CACNA1C: variants seen among roughly 807,000 people sequenced by gnomAD.
CACNA1C encodes calcium voltage-gated channel subunit alpha1 C, also known as voltage-dependent L-type calcium channel subunit alpha-1C.
CACNA1C carries 30 observed loss-of-function variants against 229.0 expected under a neutral mutation model. That is an observed-to-expected ratio of 0.13 (90% CI 0.10 to 0.18). The LOEUF (loss-of-function observed/expected upper bound fraction) is 0.18. Among genes scored for constraint, CACNA1C ranks in the 10% least tolerant of loss-of-function variants. CACNA1C has a pLI of 1.00. For missense variants in CACNA1C, 1,658 were observed against 2,845.0 expected, an observed-to-expected ratio of 0.58 and a Z score of 9.49; for synonymous variants, 1,114 against 1,132.5, an observed-to-expected ratio of 0.98 and a Z score of 0.33.
chr12:2,323,704 G>A (rs1326059740), intron 3 of CACNA1C, among the ~76,000 whole-genome samples: 1 of 152,234 alleles, frequency 6.6e-6, no homozygotes, highest in Non-Finnish European at 1.5e-5. Context: ...CATGCTTCCT[G>A]TTCCTGGGTT....
chr12:2,227,246 A>G lies in CACNA1C; in HGVS notation c.477+106816A>G, dbSNP rs75069193. 9.0e-3 allele frequency among the ~76,000 whole-genome samples: 1,364 copies of G among 152,200 alleles called. 24 individuals carry two copies. Among genetic ancestry groups the G allele is most frequent in the African/African-American group, 0.03 (1,250 of 41,544 alleles). On this transcript the variant is annotated intron_variant, in intron 3 of 46. Transcript: ENST00000399655. ...AAATGGTTCTTGCACTTCAGTGTCA[A>G]TTTTCCCCAAGAACATGAGCATTTC...
intron 1 of CACNA1C, among the ~76,000 whole-genome samples, chr12:2,007,299 TTAAAGTG>T: frequency 6.6e-6 from 1 of 152,360 alleles, no homozygotes; most frequent in South Asian, 2.1e-4. Context: ...CTTTCCATCT[TTAAAGTG>T]TAAAGAATAG....
At chr12:2,069,285 G>A (rs952914788) in intron 1 of CACNA1C, among the ~76,000 whole-genome samples, 3 of 152,098 alleles carry the variant, frequency 2.0e-5, no homozygotes, top group African/African-American at 7.2e-5. Context: ...GGCAATCAGG[G>A]TCATCAACTT....
intron 1 of CACNA1C, among the ~76,000 whole-genome samples, chr12:2,057,819 C>T (rs539768276): frequency 9.2e-5 from 14 of 152,176 alleles, no homozygotes; most frequent in East Asian, 1.9e-4. Context: ...CCAGAGGGCC[C>T]GGTGGTGCCC....
At chr12:2,123,849 G>T (rs2088384424) in intron 3 of CACNA1C, among the ~76,000 whole-genome samples, 1 of 152,140 alleles carries the variant, frequency 6.6e-6, no homozygotes, top group Non-Finnish European at 1.5e-5. Context: ...TTATAAAATG[G>T]AAATAACGAT....
intron 3 of CACNA1C, among the ~76,000 whole-genome samples, chr12:2,199,810 A>AG (rs2097531543): frequency 1.3e-5 from 2 of 152,070 alleles, no homozygotes; most frequent in African/African-American, 4.8e-5. Context: ...TTCAGCCGAG[A>AG]GGTGAAGGCT....
rs1028181179 is a variant in CACNA1C, at chr12:2,054,298, C to T, written c.49+687C>T. Among the ~76,000 whole-genome samples, 4 of 152,164 alleles carry T rather than the reference C, an allele frequency of 2.6e-5. No individual in the cohort carries two copies. Among genetic ancestry groups the T allele is most frequent in the Non-Finnish European group, 5.9e-5 (4 of 68,018 alleles). ...ACCCACCTCTCCACTGCTGTTGACC[C>T]CGAGCGCGCCCACGCCGCGTGTGTT... On this transcript the variant is annotated intron_variant, in intron 1 of 46. Transcript: ENST00000399655. This position sits in a 1 kb window ranked among gnomAD's most constrained non-coding sequence, Gnocchi z 5.5.
At chr12:2,295,856 A>G (rs924437728) in intron 3 of CACNA1C, among the ~76,000 whole-genome samples, 3 of 152,046 alleles carry the variant, frequency 2.0e-5, no homozygotes, top group Non-Finnish European at 2.9e-5. Context: ...CACACTCCCA[A>G]CCTCTCAACA....
rs1236401571 is a variant in CACNA1C at position 2,665,884 on chromosome 12, A to G, written c.4526+176A>G. Reference sequence around the variant, plus strand: ...AGCAGGAGGAGGCCCGGCACCTTCAATTAAGTCAAGAATGTATCTACTAGG... The same window carrying G: ...AGCAGGAGGAGGCCCGGCACCTTCAGTTAAGTCAAGAATGTATCTACTAGG... On this transcript the variant is annotated intron_variant, in intron 36 of 46. Transcript: ENST00000399655. The surrounding 1 kb of genome is among the most constrained non-coding windows in gnomAD (Gnocchi z 5.9). Among the ~76,000 whole-genome samples the G allele has an allele frequency of 1.3e-5, 2 of 152,194 alleles. No individual in the cohort carries two copies. Among genetic ancestry groups the G allele is most frequent in the East Asian group, 3.9e-4 (2 of 5,182 alleles).
At chr12:1,983,504 T>A (rs1455563557) in intron 1 of CACNA1C, among the ~76,000 whole-genome samples, 1 of 152,080 alleles carries the variant, frequency 6.6e-6, no homozygotes, top group African/African-American at 2.4e-5. Flanking sequence ...AGTATGCTGT[T>A]TAATTTCCAA....
intron 34 of CACNA1C, among the ~76,000 whole-genome samples, chr12:2,657,827 G>A (rs889105706): frequency 2.6e-5 from 4 of 152,120 alleles, no homozygotes; most frequent in African/African-American, 9.7e-5. Context: ...AATAATAGCA[G>A]TAGCAGAAGA....
rs140476041 is a variant in CACNA1C, at chr12:2,575,639, AT to A, written c.1896-5942del. On this transcript the variant is annotated intron_variant, in intron 13 of 46. Transcript: ENST00000399655. This position sits in a 1 kb window ranked among gnomAD's most constrained non-coding sequence, Gnocchi z 4.0. ...AGATCACTTGCCACCGAAACTAAGAATTTTTTTTTAGCCTTCAGGATGAGAA... is the reference window on the plus strand; with the variant it reads ...AGATCACTTGCCACCGAAACTAAGAATTTTTTTTAGCCTTCAGGATGAGAA... Among the ~76,000 whole-genome samples the A allele has an allele frequency of 8.6e-4, 131 of 151,714 alleles. 2 individuals carry two copies. The highest frequency in any genetic ancestry group is 3.0e-3 in the African/African-American group (122 of 41,354).
chr12:2,158,365 C>T (rs1566041011), intron 3 of CACNA1C, among the ~76,000 whole-genome samples: 1 of 152,074 alleles, frequency 6.6e-6, no homozygotes, highest in African/African-American at 2.4e-5. Context: ...CGCTTGAGCT[C>T]AGGAGTTCGA....
chr12:2,387,123 G>A (rs2098404867), intron 3 of CACNA1C, among the ~76,000 whole-genome samples: 2 of 152,184 alleles, frequency 1.3e-5, no homozygotes, highest in Non-Finnish European at 2.9e-5. Flanking sequence ...AGATGCAGTG[G>A]TGTGCAAGGC....
In CACNA1C at chr12:2,181,621, C is replaced by A. The variant is rs576473979; in HGVS notation, c.477+61191C>A. On this transcript the variant is annotated intron_variant, in intron 3 of 46. Transcript: ENST00000399655. The surrounding 1 kb of genome is among the most constrained non-coding windows in gnomAD (Gnocchi z 4.0). ...ATGACACAATTCCATGCTGCACCCA[C>A]AGAATAGTGAGTAGTGTGTAGGCCA... is the stretch of plus-strand genomic sequence containing the variant. 2.0e-5 allele frequency among the ~76,000 whole-genome samples: 3 copies of A among 152,188 alleles called. No homozygotes were observed. The highest frequency in any genetic ancestry group is 7.2e-5 in the African/African-American group (3 of 41,510).
intron 1 of CACNA1C, among the ~76,000 whole-genome samples, chr12:2,003,634 A>T (rs969530533): frequency 6.6e-6 from 1 of 152,198 alleles, no homozygotes; most frequent in Non-Finnish European, 1.5e-5. Flanking sequence ...AGAGCACTAA[A>T]ATAATTTGGC....
chr12:2,572,608 TCTCCTCTTCCTCCTC>T (rs2056244541), intron 13 of CACNA1C, among the ~76,000 whole-genome samples: 1 of 71,374 alleles, frequency 1.4e-5, no homozygotes, highest in Non-Finnish European at 2.8e-5. Context: ...TCCTCCTCCT[TCTCCTCTTCCTCCTC>T]CTCCTCTCCT....
At chr12:2,192,033 CACACAT>C (rs1406870044) in intron 3 of CACNA1C, among the ~76,000 whole-genome samples, 2 of 148,800 alleles carry the variant, frequency 1.3e-5, no homozygotes, top group African/African-American at 5.2e-5. Flanking sequence ...TACACGCACT[CACACAT>C]ACAGGCACAC....
chr12:2,019,426 C>G (rs1463169870), intron 1 of CACNA1C, among the ~76,000 whole-genome samples: 1 of 142,612 alleles, frequency 7.0e-6, no homozygotes, highest in Admixed American at 7.1e-5. Flanking sequence ...CGCCACTGCA[C>G]TCTAGCCTAG....
Sources: allele counts gnomAD v4.1 joint callset (sites outside exome capture counted in the v4.1 genomes callset), GRCh38; gene constraint gnomAD v4.1.1; non-coding constraint Gnocchi (gnomAD v3.1); transcripts MANE v1.5; gene names NCBI Gene and HGNC (gene_info 2026-07-23, HGNC 2026-07-21).